COMMD7: variants seen among roughly 807,000 people sequenced by gnomAD.
COMMD7 encodes COMM domain containing 7.
COMMD7 carries 28 observed loss-of-function variants against 34.8 expected under a neutral mutation model. The observed-to-expected ratio is 0.80, with a 90% CI of 0.60 to 1.10. The LOEUF (loss-of-function observed/expected upper bound fraction) is 1.10. Ranked by LOEUF, COMMD7 falls within the 50% of genes least tolerant of loss-of-function variation. COMMD7 has a pLI of 0.00. For missense variants in COMMD7, 211 were observed against 241.6 expected (o/e 0.87, Z 0.84); for synonymous variants, 80 against 86.4 (o/e 0.93, Z 0.41).
intron 3 of COMMD7, among the ~76,000 whole-genome samples, chr20:32,726,907 G>A (rs1302342728): frequency 6.6e-6 from 1 of 152,014 alleles, no homozygotes; most frequent in East Asian, 1.9e-4. Context: ...CTGAACAGAA[G>A]CAAACAAATT....
chr20:32,705,776 A>AG (rs1436491220), intron 5 of COMMD7, among the ~76,000 whole-genome samples: 2 of 152,228 alleles, frequency 1.3e-5, no homozygotes, highest in Non-Finnish European at 2.9e-5. Flanking sequence ...TACACTGAAT[A>AG]GTGCTGGTTA....
At chr20:32,717,915 TC>T (rs1343990298) in intron 3 of COMMD7, among the ~76,000 whole-genome samples, 1 of 150,740 alleles carries the variant, frequency 6.6e-6, no homozygotes, top group Non-Finnish European at 1.5e-5. Context: ...TAAAACCCCC[TC>T]TTGACCAAAA....
At chr20:32,737,521 G>A (rs1384519253) in intron 1 of COMMD7, among the ~76,000 whole-genome samples, 3 of 151,764 alleles carry the variant, frequency 2.0e-5, no homozygotes, top group South Asian at 2.1e-4. Context: ...TTAAAAAAAC[G>A]AAAGAAAGAA....
intron 3 of COMMD7, among the ~76,000 whole-genome samples, chr20:32,725,900 T>C (rs1985478712): frequency 6.7e-6 from 1 of 149,838 alleles, no homozygotes; most frequent in African/African-American, 2.5e-5. Context: ...ATAATAATAA[T>C]AATAATACAA....
chr20:32,726,336 G>T (rs1448179887), intron 3 of COMMD7, among the ~76,000 whole-genome samples: 3 of 152,112 alleles, frequency 2.0e-5, no homozygotes, highest in Non-Finnish European at 4.4e-5. Context: ...GGCAGAGGTT[G>T]CAGTGAGCCA....
At position 32,707,291 on chromosome 20, in the gene COMMD7, A is replaced by AT. The variant is rs1280526072; in HGVS notation, c.242-532_242-531insA. Among the ~76,000 whole-genome samples the AT allele has an allele frequency of 7.0e-3, 865 of 123,774 alleles. 6 individuals are homozygous for AT. Among genetic ancestry groups the AT allele is most frequent in the Non-Finnish European group, 9.3e-3 (498 of 53,774 alleles). The allele number at this position is 123,774 out of a possible 152,430, so 81.2% of individuals were successfully genotyped here. On this transcript the variant is annotated intron_variant, in intron 3 of 8. Coordinates refer to ENST00000278980, the MANE Select transcript of COMMD7 (RefSeq NM_053041.3). ...AGAGCGAGACTCCGTCTCAAAAAAA[A>AT]AAAATATATATATATATACTTATCT...
At chr20:32,732,257 A>AT (rs1401555594) in intron 1 of COMMD7, among the ~76,000 whole-genome samples, 1 of 151,990 alleles carries the variant, frequency 6.6e-6, no homozygotes, top group Non-Finnish European at 1.5e-5. Context: ...CATTGGGCTA[A>AT]TTTTTTTATA....
chr20:32,714,376 G>T (rs28595020), intron 3 of COMMD7, among the ~76,000 whole-genome samples: 1 of 151,828 alleles, frequency 6.6e-6, no homozygotes, highest in East Asian at 1.9e-4. Flanking sequence ...TCACCCACAG[G>T]GGCCAGATAT....
At chr20:32,712,612 T>TTAA (rs1984529560) in intron 3 of COMMD7, among the ~76,000 whole-genome samples, 1 of 141,894 alleles carries the variant, frequency 7.0e-6, no homozygotes, top group Non-Finnish European at 1.5e-5. Flanking sequence ...CCCAGACCTT[T>TTAA]AAAAAAAAAA....
At chr20:32,731,262 G>A (rs921518291) in intron 1 of COMMD7, among the ~76,000 whole-genome samples, 1 of 152,102 alleles carries the variant, frequency 6.6e-6, no homozygotes, top group South Asian at 2.1e-4. Flanking sequence ...AAGCTGCAGT[G>A]AGTCATGATC....
chr20:32,703,708 A>G lies in COMMD7; in HGVS notation c.527-250T>C, dbSNP rs1339527519. 3.5e-6 allele frequency: 5 copies of G among 1,440,264 alleles called. No individual in the cohort carries two copies. In the East Asian group the frequency reaches 1.3e-4, roughly 36 times the overall value. The allele number at this position is 1,440,264 out of a possible 1,614,324, so 89.2% of individuals were successfully genotyped here. A position where few individuals can be genotyped will look rare whatever the true frequency, so the allele number is the denominator to read the frequency against. On this transcript the variant is annotated intron_variant, in intron 8 of 8. Coordinates refer to ENST00000278980, the MANE Select transcript of COMMD7 (RefSeq NM_053041.3). The stretch of plus-strand genomic sequence containing the variant: ...CCATGGCACAAAGAGATGAAAGGGT[A>G]TCATTCGGGATGTTCAATGTGACTT...
chr20:32,717,627 A>T (rs528157064), intron 3 of COMMD7, among the ~76,000 whole-genome samples: 1 of 151,470 alleles, frequency 6.6e-6, no homozygotes, highest in Non-Finnish European at 1.5e-5. Context: ...TACCTGGCCA[A>T]TTTTTTTTAT....
intron 5 of COMMD7, among the ~76,000 whole-genome samples, chr20:32,705,663 G>A (rs527423638): frequency 4.6e-5 from 7 of 152,166 alleles, no homozygotes; most frequent in East Asian, 1.9e-4. Context: ...GTGAGCCACC[G>A]GGCCTGGCCA....
chr20:32,737,479 C>G (rs1209280771), intron 1 of COMMD7, among the ~76,000 whole-genome samples: 2 of 151,700 alleles, frequency 1.3e-5, no homozygotes, highest in Non-Finnish European at 2.9e-5. Flanking sequence ...TGCACTCCAG[C>G]CTGGGTGATA....
intron 3 of COMMD7, among the ~76,000 whole-genome samples, chr20:32,726,289 C>T (rs1265031232): frequency 1.3e-5 from 2 of 151,686 alleles, no homozygotes; most frequent in African/African-American, 4.8e-5. Context: ...CCCAGCTACT[C>T]GGGAGGCTGA....
chr20:32,737,534 GAAAAT>G (rs1418714088), intron 1 of COMMD7, among the ~76,000 whole-genome samples: 1 of 151,520 alleles, frequency 6.6e-6, no homozygotes, highest in Non-Finnish European at 1.5e-5. Context: ...AGAAAGAAAA[GAAAAT>G]GAGTCAACTC....
At chr20:32,704,778 C>T (rs1983963480) in intron 6 of COMMD7, 36 bp downstream of exon 6, 1 of 1,502,644 alleles carries the variant, frequency 6.7e-7, no homozygotes, top group Non-Finnish European at 9.3e-7. Context: ...AACCCTGTAC[C>T]ACCCAAATAA....
intron 1 of COMMD7, among the ~76,000 whole-genome samples, chr20:32,736,112 A>C (rs6058845): frequency 0.69 from 105,012 of 152,064 alleles, 36,983 homozygotes; most frequent in Middle Eastern, 0.82. Context: ...ACCATCAAAT[A>C]TTCCTAAGTC....
chr20:32,726,118 C>G (rs2145759207), intron 3 of COMMD7, among the ~76,000 whole-genome samples: 1 of 146,684 alleles, frequency 6.8e-6, no homozygotes, highest in East Asian at 2.0e-4. Context: ...TGGCTGAGTA[C>G]AGTGGCTCAT....
Sources: gnomAD v4.1 joint callset for allele counts (sites outside exome capture counted in the v4.1 genomes callset) on GRCh38, gnomAD v4.1.1 for gene constraint, MANE v1.5 for transcripts, NCBI Gene and HGNC (gene_info 2026-07-23, HGNC 2026-07-21) for gene names.